Variants in TMEM150C observed in about 807,000 individuals in gnomAD.
TMEM150C encodes transmembrane protein 150C.
A neutral mutation model predicts 29.9 loss-of-function variants in TMEM150C; 10 were observed. The ratio of observed to expected loss-of-function variants is 0.33; its 90% CI spans 0.21 to 0.57. TMEM150C has a LOEUF of 0.57. Ranked by LOEUF, TMEM150C falls within the 20% of genes least tolerant of loss-of-function variation. The pLI is 0.88. For missense variants in TMEM150C, 251 were observed against 303.6 expected, an observed-to-expected ratio of 0.83 and a Z score of 1.29; for synonymous variants, 101 against 112.5, an observed-to-expected ratio of 0.90 and a Z score of 0.64.
chr4:82,488,861 C>T (rs536618022), intron 7 of TMEM150C, among the ~76,000 whole-genome samples: 4 of 152,144 alleles, frequency 2.6e-5, no homozygotes, highest in Non-Finnish European at 1.5e-5. Flanking sequence ...TTAAGCAATC[C>T]TCCTGCCTCA....
intron 1 of TMEM150C, among the ~76,000 whole-genome samples, chr4:82,523,923 C>T (rs1724569817): frequency 6.6e-6 from 1 of 151,336 alleles, no homozygotes; most frequent in African/African-American, 2.4e-5. Context: ...CTCAGGTGAT[C>T]CGCCCACCTC....
rs937399924 is a variant in TMEM150C at position 82,484,311 on chromosome 4, G to C, written c.*1200C>G. On this transcript the variant is annotated 3_prime_UTR_variant, in exon 8 of 8. Coordinates refer to ENST00000449862, the MANE Select transcript of TMEM150C (RefSeq NM_001080506.3). ...TCAGCAGGTGGGAACTGGGAACTGC[G>C]GGTTGGCTAGCAGGGGGGCCAGCTG... 1 of 152,004 alleles carries C rather than the reference G, an allele frequency of 6.6e-6. No homozygotes were observed. Among genetic ancestry groups the C allele is most frequent in the African/African-American group, 2.4e-5 (1 of 41,380 alleles). 9.4% of individuals were successfully genotyped at this position (152,004 alleles called of 1,614,324 possible). A position where few individuals can be genotyped will look rare whatever the true frequency, so the allele number is the denominator to read the frequency against.
At chr4:82,513,942 G>A (rs369620281) in intron 1 of TMEM150C, among the ~76,000 whole-genome samples, 21 of 152,354 alleles carry the variant, frequency 1.4e-4, no homozygotes, top group Admixed American at 3.9e-4. Context: ...TACCTGAACT[G>A]CATTAGCAAA....
At position 82,485,625 on chromosome 4, in the gene TMEM150C, G is replaced by A. The variant is rs750202002; in HGVS notation, c.636C>T (p.Ala212=). The A allele has an allele frequency of 3.1e-6, 5 of 1,610,198 alleles. No homozygotes were observed. The highest frequency in any genetic ancestry group is 1.7e-5 in the Admixed American group (1 of 59,448). Residue 212 remains alanine (A), a synonymous_variant, in exon 8 of 8, where the codon GCC becomes GCT. Coordinates refer to ENST00000449862, the MANE Select transcript of TMEM150C (RefSeq NM_001080506.3). ...MCFLSYFGTF[A]VEFRHYRYEI... ...CATAGCGGTAATGCCGGAACTCCAC[G>A]GCAAAGGTGCCAAAATAAGACAGGA...
chr4:82,557,168 G>A (rs1446151180), intron 1 of TMEM150C, among the ~76,000 whole-genome samples: 1 of 152,184 alleles, frequency 6.6e-6, no homozygotes, highest in Non-Finnish European at 1.5e-5. Context: ...GTTTAAAAAT[G>A]GAAACAACAT....
intron 1 of TMEM150C, among the ~76,000 whole-genome samples, chr4:82,529,140 A>G (rs1408275664): frequency 6.6e-6 from 1 of 152,120 alleles, no homozygotes; most frequent in African/African-American, 2.4e-5. Context: ...AAGACAGAGA[A>G]GCACCAGCAG....
intron 1 of TMEM150C, among the ~76,000 whole-genome samples, chr4:82,548,298 A>C (rs1455552347): frequency 1.3e-5 from 2 of 152,220 alleles, no homozygotes; most frequent in East Asian, 3.8e-4. Flanking sequence ...ATATTTAGGT[A>C]ACAAACTTGG....
intron 1 of TMEM150C, among the ~76,000 whole-genome samples, chr4:82,556,328 G>C (rs1191326243): frequency 6.6e-6 from 1 of 152,156 alleles, no homozygotes. Flanking sequence ...CCTGGTACTT[G>C]TTATACATGG....
intron 1 of TMEM150C, among the ~76,000 whole-genome samples, chr4:82,553,805 T>C (rs1725656809): frequency 6.6e-6 from 1 of 152,234 alleles, no homozygotes; most frequent in Admixed American, 6.5e-5. Context: ...TGCCACTATT[T>C]GATCATAACT....
chr4:82,503,957 A>C (rs1321963538), intron 2 of TMEM150C, among the ~76,000 whole-genome samples: 1 of 152,226 alleles, frequency 6.6e-6, no homozygotes, highest in Non-Finnish European at 1.5e-5. Flanking sequence ...TGTTAGTGTC[A>C]AATTCGAAAA....
intron 1 of TMEM150C, among the ~76,000 whole-genome samples, chr4:82,545,297 A>G (rs1351334688): frequency 6.6e-6 from 1 of 152,228 alleles, no homozygotes; most frequent in East Asian, 1.9e-4. Flanking sequence ...AACAAAAACC[A>G]TATCATCATC....
chr4:82,518,377 C>T (rs1724365894), intron 1 of TMEM150C, among the ~76,000 whole-genome samples: 1 of 152,024 alleles, frequency 6.6e-6, no homozygotes, highest in South Asian at 2.1e-4. Flanking sequence ...TGGCCTCTGG[C>T]CAGTGTGCCC....
rs1725699511 is a variant in TMEM150C, at chr4:82,555,165, CTTCTTTTGTCATATGAAA to C, written c.-11+6723_-11+6740del. ...AATATTTCCAGCCTCACTTTCAAGA[CTTCTTTTGTCATATGAAA>C]TTCTTAAAACAACATTGTTTTCTAT... is the stretch of plus-strand genomic sequence containing the variant. On this transcript the variant is annotated intron_variant, in intron 1 of 7. Coordinates refer to ENST00000449862, the MANE Select transcript of TMEM150C (RefSeq NM_001080506.3). Among the ~76,000 whole-genome samples the C allele has an allele frequency of 2.0e-5, 3 of 152,306 alleles. No homozygotes were observed. The East Asian group carries it at 5.8e-4, about 29-fold the overall frequency.
chr4:82,505,279 CAA>C (rs1037152491), intron 1 of TMEM150C, among the ~76,000 whole-genome samples: 14 of 152,162 alleles, frequency 9.2e-5, no homozygotes, highest in African/African-American at 2.2e-4. Context: ...ACTCCTGGCC[CAA>C]AGTGATCCTC....
chr4:82,536,550 T>G (rs753607628), intron 1 of TMEM150C, among the ~76,000 whole-genome samples: 3 of 151,884 alleles, frequency 2.0e-5, no homozygotes, highest in African/African-American at 7.3e-5. Flanking sequence ...TTAGCTAATG[T>G]CTGGATAGGG....
intron 1 of TMEM150C, among the ~76,000 whole-genome samples, chr4:82,507,727 C>CTTTTTTTTTTTTTTTTTTTTTTTTTTTTT (rs869112887): frequency 9.7e-5 from 2 of 20,588 alleles, no homozygotes; most frequent in Admixed American, 7.7e-4. Context: ...CTCTCTCTCT[C>CTTTTTTTTTTTTTTTTTTTTTTTTTTTTT]TTTTTTTTTT....
At chr4:82,540,773 G>C (rs1254151919) in intron 1 of TMEM150C, among the ~76,000 whole-genome samples, 1 of 152,066 alleles carries the variant, frequency 6.6e-6, no homozygotes, top group African/African-American at 2.4e-5. Flanking sequence ...ATGTACTGTG[G>C]AATGGATAAA....
chr4:82,502,223 T>G (rs977369897), intron 5 of TMEM150C, among the ~76,000 whole-genome samples: 1 of 152,184 alleles, frequency 6.6e-6, no homozygotes, highest in African/African-American at 2.4e-5. Flanking sequence ...CTTTTTAAGC[T>G]TACTTCTCCA....
Position 82,521,372 on chromosome 4 carries a change from G to A in TMEM150C, c.-10-16705C>T, listed in dbSNP as rs530569719. Among the ~76,000 whole-genome samples the A allele has an allele frequency of 2.3e-4, 35 of 152,290 alleles. No individual in the cohort carries two copies. The South Asian group carries it at 3.7e-3, about 16-fold the overall frequency. On this transcript the variant is annotated intron_variant, in intron 1 of 7. Coordinates refer to ENST00000449862, the MANE Select transcript of TMEM150C (RefSeq NM_001080506.3). ...AATAAGTATCTGGTGAAGAATAAAT[G>A]AAAGGCACTGTGCTACCAAATGGGA...
Sources: allele counts gnomAD v4.1 joint callset (sites outside exome capture counted in the v4.1 genomes callset), GRCh38; gene constraint gnomAD v4.1.1; transcripts MANE v1.5; gene names NCBI Gene and HGNC (gene_info 2026-07-23, HGNC 2026-07-21).